Variants in ABHD2 observed in about 807,000 individuals in gnomAD.
ABHD2 encodes the protein monoacylglycerol lipase ABHD2.
A neutral mutation model predicts 48.1 loss-of-function variants in ABHD2; 20 were observed. That is an observed-to-expected ratio of 0.42 (90% CI 0.29 to 0.60). ABHD2 has a LOEUF of 0.60. ABHD2 is among the 20% of genes least tolerant of loss of function. The pLI is 0.24. For synonymous variants in ABHD2, 209 were observed against 214.2 expected, an observed-to-expected ratio of 0.98 and a Z score of 0.21; for missense variants, 405 against 550.9, an observed-to-expected ratio of 0.74 and a Z score of 2.65.
chr15:89,089,072 T>C (rs761966566), intron 1 of ABHD2, among the ~76,000 whole-genome samples: 4 of 152,242 alleles, frequency 2.6e-5, no homozygotes, highest in Non-Finnish European at 4.4e-5. Context: ...GGAAGCACAT[T>C]TACCGAGTTC....
chr15:89,155,361 C>A lies in ABHD2; in HGVS notation c.371-6C>A. On this transcript the variant is annotated splice_polypyrimidine_tract_variant and splice_region_variant and intron_variant, in intron 4 of 10. Coordinates refer to ENST00000352732, the MANE Select transcript of ABHD2 (RefSeq NM_152924.5). This position sits in a 1 kb window ranked among gnomAD's most constrained non-coding sequence, Gnocchi z 4.9. ...ATACATCAGGATCTCTTTCTCTACG[C>A]TATAGATGATATCACCATGGTCATC... 1 of 1,613,342 alleles carries A rather than the reference C, an allele frequency of 6.2e-7. No homozygotes were observed. The highest frequency in any genetic ancestry group is 2.2e-5 in the East Asian group (1 of 44,862).
In ABHD2 at chr15:89,102,672, GA is replaced by G. The variant is rs2049719705; in HGVS notation, c.-106-11050del. ...TGATGGCCAGTTCCTTGCCTCCCAG[GA>G]AACTGATGAGGAGGCAAGACGAATG... On this transcript the variant is annotated intron_variant, in intron 1 of 10. Transcript: ENST00000352732. The surrounding 1 kb of genome is among the most constrained non-coding windows in gnomAD (Gnocchi z 4.8). 6.6e-6 allele frequency: 1 copy of G among 152,234 alleles called. No individual in the cohort carries two copies. The highest frequency in any genetic ancestry group is 2.4e-5 in the African/African-American group (1 of 41,460). 9.4% of individuals were successfully genotyped at this position (152,234 alleles called of 1,614,324 possible).
intron 1 of ABHD2, among the ~76,000 whole-genome samples, chr15:89,093,173 CTTTTTTT>C (rs71149272): frequency 3.1e-4 from 22 of 71,786 alleles, no homozygotes; most frequent in Non-Finnish European, 5.5e-5. Flanking sequence ...TTTTTTCATT[CTTTTTTT>C]TTTTTTTTTT....
chr15:89,190,501 T>G (rs1312929947), intron 8 of ABHD2, among the ~76,000 whole-genome samples: 2 of 152,222 alleles, frequency 1.3e-5, no homozygotes. Flanking sequence ...GTGGTCCTGT[T>G]ACTCCACTAA....
the ABHD2 span, among the ~76,000 whole-genome samples, chr15:89,054,995 G>A: frequency 6.6e-6 from 1 of 152,118 alleles, no homozygotes; most frequent in African/African-American, 2.4e-5. Flanking sequence ...GGAGGCTGAG[G>A]TTGGAGGATC....
chr15:89,194,851 TC>T (rs1373528107), intron 10 of ABHD2, among the ~76,000 whole-genome samples: 1 of 152,300 alleles, frequency 6.6e-6, no homozygotes, highest in East Asian at 1.9e-4. Flanking sequence ...GGAATTCCCT[TC>T]CCTCACTCCT....
chr15:89,162,790 T>A (rs1040288946), intron 5 of ABHD2, among the ~76,000 whole-genome samples: 8 of 152,198 alleles, frequency 5.3e-5, no homozygotes, highest in East Asian at 1.9e-4. Flanking sequence ...TGTGAAATTA[T>A]TTGTTTATAT....
At position 89,175,009 on chromosome 15, in the gene ABHD2, GTTT is replaced by G. The variant is rs2050988812; in HGVS notation, c.539-801_539-799del. ...ACCCTGTCCCTATGTCACCAAGAACGTTTTACCCTAATCCTACAGAGCATCCTG... is the reference window on the plus strand; with the variant it reads ...ACCCTGTCCCTATGTCACCAAGAACGTACCCTAATCCTACAGAGCATCCTG... On this transcript the variant is annotated intron_variant, in intron 5 of 10. Transcript: ENST00000352732. This position sits in a 1 kb window ranked among gnomAD's most constrained non-coding sequence, Gnocchi z 5.7. Among the ~76,000 whole-genome samples, 1 of 152,098 alleles carries G rather than the reference GTTT, an allele frequency of 6.6e-6. No individual in the cohort carries two copies. The highest frequency in any genetic ancestry group is 2.4e-5 in the African/African-American group (1 of 41,414).
intron 3 of ABHD2, among the ~76,000 whole-genome samples, chr15:89,140,027 C>A (rs898587161): frequency 6.6e-6 from 1 of 152,202 alleles, no homozygotes; most frequent in Non-Finnish European, 1.5e-5. Context: ...GATGATGTAA[C>A]ACCTCTGCGT....
At chr15:89,123,213 G>C (rs2050079168) in intron 3 of ABHD2, among the ~76,000 whole-genome samples, 1 of 152,190 alleles carries the variant, frequency 6.6e-6, no homozygotes, top group Non-Finnish European at 1.5e-5. Flanking sequence ...CCTGGAAGCT[G>C]CTTCAGGTAG....
chr15:89,043,891 T>A, the ABHD2 span, among the ~76,000 whole-genome samples: 1 of 151,896 alleles, frequency 6.6e-6, no homozygotes, highest in Admixed American at 6.6e-5. Context: ...TTCTTTTTTT[T>A]TCCTTTTTTT....
intron 3 of ABHD2, among the ~76,000 whole-genome samples, chr15:89,123,283 G>A (rs993261523): frequency 5.3e-5 from 8 of 152,162 alleles, no homozygotes; most frequent in South Asian, 4.1e-4. Flanking sequence ...ATTCATCTCC[G>A]GTGGTTTTCC....
chr15:89,117,355 C>A (rs190001391), intron 3 of ABHD2, among the ~76,000 whole-genome samples: 5 of 152,156 alleles, frequency 3.3e-5, no homozygotes, highest in Admixed American at 6.5e-5. Flanking sequence ...GCAGCAGGGG[C>A]GGGCTCTGCT....
chr15:89,098,462 C>G (rs899749600), intron 1 of ABHD2, among the ~76,000 whole-genome samples: 2 of 152,152 alleles, frequency 1.3e-5, no homozygotes, highest in African/African-American at 2.4e-5. Flanking sequence ...ACCCTGTGCC[C>G]CACTATGGGC....
In ABHD2 at chr15:89,151,658, T is replaced by C. The variant is rs1385995134; in HGVS notation, c.195-19T>C. The C allele has an allele frequency of 1.3e-6, 2 of 1,582,296 alleles. No homozygotes were observed. The highest frequency in any genetic ancestry group is 2.3e-5 in the East Asian group (1 of 44,260). ...TCAAGGAATGTAGAGAAAATTGACC[T>C]CCCTTGTCCTTTCTTTAGATACATT... On this transcript the variant is annotated intron_variant, in intron 3 of 10. Coordinates refer to ENST00000352732, the MANE Select transcript of ABHD2 (RefSeq NM_152924.5). The surrounding 1 kb of genome is among the most constrained non-coding windows in gnomAD (Gnocchi z 4.7).
chr15:89,112,744 C>T (rs1398671749), intron 1 of ABHD2, among the ~76,000 whole-genome samples: 1 of 152,218 alleles, frequency 6.6e-6, no homozygotes, highest in Non-Finnish European at 1.5e-5. Context: ...CATTTTCTTG[C>T]TTGCCTCTCT....
chr15:89,067,646 A>G, the ABHD2 span, among the ~76,000 whole-genome samples: 8 of 152,162 alleles, frequency 5.3e-5, no homozygotes, highest in Non-Finnish European at 1.2e-4. Flanking sequence ...TATGTCAGCC[A>G]TGCAAGCCCT....
rs2051400784 is a variant in ABHD2, at chr15:89,196,253, A to G, written c.*830A>G. On this transcript the variant is annotated 3_prime_UTR_variant, in exon 11 of 11. Transcript: ENST00000352732. ...TAATCAGGGGTGTCCTCTAGCTCCC[A>G]CGGTCTCCAGAGCAGCAAGGCCGGC... 2 of 152,172 alleles carry G rather than the reference A, an allele frequency of 1.3e-5. No homozygotes were observed. The highest frequency in any genetic ancestry group is 4.8e-5 in the African/African-American group (2 of 41,432). The allele number at this position is 152,172 out of a possible 1,614,324, so 9.4% of individuals were successfully genotyped here.
At chr15:89,150,758 T>G (rs757763113) in intron 3 of ABHD2, among the ~76,000 whole-genome samples, 76 of 152,362 alleles carry the variant, frequency 5.0e-4, no homozygotes, top group South Asian at 1.2e-3. Flanking sequence ...GGGGAATGAT[T>G]GACGTCACTA....
Sources: allele counts gnomAD v4.1 joint callset (sites outside exome capture counted in the v4.1 genomes callset), GRCh38; gene constraint gnomAD v4.1.1; non-coding constraint Gnocchi (gnomAD v3.1); transcripts MANE v1.5; gene names NCBI Gene and HGNC (gene_info 2026-07-23, HGNC 2026-07-21).